The following GALNTL6 variants were observed in gnomAD, a reference collection of about 807,000 sequenced individuals.
The protein encoded by GALNTL6 is polypeptide N-acetylgalactosaminyltransferase-like 6.
Under a neutral mutation model 73.7 loss-of-function variants are expected in GALNTL6, and 46 were observed. The observed-to-expected ratio is 0.62, with a 90% CI of 0.49 to 0.80. GALNTL6 has a LOEUF of 0.80. Among genes scored for constraint, GALNTL6 ranks in the 30% least tolerant of loss-of-function variants. The pLI, the probability that GALNTL6 is intolerant of heterozygous loss-of-function variation, is 0.00. For missense variants in GALNTL6, 604 were observed against 755.0 expected (o/e 0.80, Z 2.34); for synonymous variants, 259 against 263.7 (o/e 0.98, Z 0.17).
At chr4:172,541,615 T>A (rs1245573286) in intron 5 of GALNTL6, among the ~76,000 whole-genome samples, 1 of 152,184 alleles carries the variant, frequency 6.6e-6, no homozygotes. Context: ...TAAGGCAACT[T>A]GAGGGATCAA....
intron 7 of GALNTL6, among the ~76,000 whole-genome samples, chr4:172,837,061 A>C (rs1218771784): frequency 6.6e-6 from 1 of 152,226 alleles, no homozygotes; most frequent in Non-Finnish European, 1.5e-5. Context: ...CATTAAAATA[A>C]TACAAAATTC....
At chr4:172,222,948 AACCAGCAC>A (rs1736735493) in intron 2 of GALNTL6, among the ~76,000 whole-genome samples, 2 of 152,008 alleles carry the variant, frequency 1.3e-5, no homozygotes, top group African/African-American at 4.8e-5. Context: ...CAAAGACATA[AACCAGCAC>A]AATATGTTTT....
At chr4:172,768,435 G>A (rs1203195819) in intron 5 of GALNTL6, among the ~76,000 whole-genome samples, 2 of 152,124 alleles carry the variant, frequency 1.3e-5, no homozygotes, top group African/African-American at 4.8e-5. Flanking sequence ...ACCATTGTGA[G>A]AACGAATTCA....
chr4:172,790,050 C>T (rs1007957734), intron 5 of GALNTL6, among the ~76,000 whole-genome samples: 3 of 152,174 alleles, frequency 2.0e-5, no homozygotes, highest in African/African-American at 4.8e-5. Flanking sequence ...GTTTTTTAAC[C>T]TCCAATAAAA....
intron 2 of GALNTL6, among the ~76,000 whole-genome samples, chr4:171,824,161 G>C (rs537128982): frequency 2.7e-5 from 4 of 148,602 alleles, no homozygotes; most frequent in South Asian, 4.3e-4. Context: ...TTAAAAAGTT[G>C]TCAAGGTAGT....
At chr4:172,324,087 A>G (rs976459136) in intron 4 of GALNTL6, among the ~76,000 whole-genome samples, 1 of 151,974 alleles carries the variant, frequency 6.6e-6, no homozygotes, top group African/African-American at 2.4e-5. Flanking sequence ...TTATTACTAT[A>G]TGTTAACTCA....
At chr4:172,647,846 T>A (rs1423916297) in intron 5 of GALNTL6, among the ~76,000 whole-genome samples, 1 of 152,146 alleles carries the variant, frequency 6.6e-6, no homozygotes, top group Non-Finnish European at 1.5e-5. Flanking sequence ...GGTAATGCAT[T>A]GATTAAGGGT....
chr4:172,568,757 C>CAAAAAA lies in GALNTL6; in HGVS notation c.553+220085_553+220090dup, dbSNP rs71592082. On this transcript the variant is annotated intron_variant, in intron 5 of 12. Transcript: ENST00000506823. Reference sequence around the variant, plus strand: ...TGGGCCACAGAGCGAGACTCCATCTCAAAAAAAAAAAAAAAAAAAAAAGTA... The same window carrying CAAAAAA: ...TGGGCCACAGAGCGAGACTCCATCTCAAAAAAAAAAAAAAAAAAAAAAAAAAAAGTA... Among the ~76,000 whole-genome samples, 130 of 67,058 alleles carry CAAAAAA rather than the reference C, an allele frequency of 1.9e-3. 3 individuals carry two copies. The highest frequency in any genetic ancestry group is 8.0e-3 in the African/African-American group (123 of 15,390). 44.0% of individuals were successfully genotyped at this position (67,058 alleles called of 152,430 possible).
intron 5 of GALNTL6, among the ~76,000 whole-genome samples, chr4:172,673,923 T>A (rs1204464280): frequency 6.6e-6 from 1 of 152,184 alleles, no homozygotes; most frequent in African/African-American, 2.4e-5. Context: ...TTCTTTAGCT[T>A]GCCACTCAAT....
chr4:172,588,471 G>T (rs1165945798), intron 5 of GALNTL6, among the ~76,000 whole-genome samples: 1 of 150,528 alleles, frequency 6.6e-6, no homozygotes, highest in Admixed American at 6.7e-5. Context: ...GCGTGTACCT[G>T]TTGCCCCAGC....
intron 2 of GALNTL6, among the ~76,000 whole-genome samples, chr4:172,119,677 G>A (rs1733092275): frequency 6.6e-6 from 1 of 152,128 alleles, no homozygotes; most frequent in Non-Finnish European, 1.5e-5. Flanking sequence ...ATTCAACTCA[G>A]TCATTGTAAC....
At chr4:172,546,979 G>A (rs778209400) in intron 5 of GALNTL6, among the ~76,000 whole-genome samples, 21 of 151,148 alleles carry the variant, frequency 1.4e-4, no homozygotes, top group Admixed American at 8.6e-4. Context: ...AACTCTATGC[G>A]TTCAACAATA....
At chr4:171,814,869 T>A in intron 2 of GALNTL6, 151 bp downstream of exon 2, 1 of 692,328 alleles carries the variant, frequency 1.4e-6, no homozygotes, top group Non-Finnish European at 2.4e-6. Flanking sequence ...CTTTGGGGTT[T>A]AAGCAAGTAG....
chr4:172,002,036 GA>G (rs1362901246), intron 2 of GALNTL6, among the ~76,000 whole-genome samples: 1 of 152,032 alleles, frequency 6.6e-6, no homozygotes, highest in Non-Finnish European at 1.5e-5. Context: ...TATGGTGGGG[GA>G]AAATTACCAC....
intron 4 of GALNTL6, among the ~76,000 whole-genome samples, chr4:172,320,885 A>C (rs1363977663): frequency 6.6e-6 from 1 of 152,194 alleles, no homozygotes; most frequent in Non-Finnish European, 1.5e-5. Context: ...AGACTTAACC[A>C]TGTAATGAAA....
At chr4:172,098,448 A>G (rs933384990) in intron 2 of GALNTL6, among the ~76,000 whole-genome samples, 1 of 152,154 alleles carries the variant, frequency 6.6e-6, no homozygotes, top group Non-Finnish European at 1.5e-5. Context: ...ATTCAGGAAC[A>G]CAGTCAAACT....
intron 5 of GALNTL6, among the ~76,000 whole-genome samples, chr4:172,400,813 C>G (rs1050457484): frequency 6.6e-6 from 1 of 152,070 alleles, no homozygotes; most frequent in South Asian, 2.1e-4. Flanking sequence ...CGAGCCTCCA[C>G]GTGAAGTCAG....
At chr4:172,691,361 G>A (rs199790473) in intron 5 of GALNTL6, among the ~76,000 whole-genome samples, 1 of 152,154 alleles carries the variant, frequency 6.6e-6, no homozygotes, top group East Asian at 1.9e-4. Context: ...GTGGCAGAAA[G>A]CAGTACACCT....
At chr4:172,974,383 G>C (rs943946368) in intron 10 of GALNTL6, among the ~76,000 whole-genome samples, 2 of 152,046 alleles carry the variant, frequency 1.3e-5, no homozygotes, top group East Asian at 3.9e-4. Flanking sequence ...GTTACCTAGA[G>C]TACTTTCCTC....
Sources: allele counts gnomAD v4.1 joint callset (sites outside exome capture counted in the v4.1 genomes callset), GRCh38; gene constraint gnomAD v4.1.1; transcripts MANE v1.5; gene names NCBI Gene and HGNC (gene_info 2026-07-23, HGNC 2026-07-21).